IFT25: variants seen among roughly 807,000 people sequenced by gnomAD.
IFT25 encodes the protein intraflagellar transport 25.
the IFT25 span, among the ~76,000 whole-genome samples, chr1:53,912,534 T>G: frequency 6.6e-6 from 1 of 152,166 alleles, no homozygotes; most frequent in Non-Finnish European, 1.5e-5. Context: ...CTGAGCTGGG[T>G]GAATCCAACA....
the IFT25 span, among the ~76,000 whole-genome samples, chr1:53,940,385 GAAC>G: frequency 1.3e-5 from 2 of 152,030 alleles, no homozygotes; most frequent in East Asian, 3.9e-4. Context: ...CAACCGAGGA[GAAC>G]AACATGGAAT....
chr1:53,937,395 G>C, the IFT25 span, among the ~76,000 whole-genome samples: 22 of 152,108 alleles, frequency 1.4e-4, no homozygotes, highest in African/African-American at 5.3e-4. Context: ...CTGGGATTAA[G>C]ACATGAGCCA....
At chr1:53,938,934 C>T in the IFT25 span, among the ~76,000 whole-genome samples, 10 of 151,964 alleles carry the variant, frequency 6.6e-5, no homozygotes, top group Admixed American at 2.0e-4. Flanking sequence ...ATTAGCCAGG[C>T]GTGGTGGCGC....
chr1:53,917,460 T>G, the IFT25 span, among the ~76,000 whole-genome samples: 1 of 152,200 alleles, frequency 6.6e-6, no homozygotes, highest in Non-Finnish European at 1.5e-5. Context: ...TTACATAAGC[T>G]TAAAGCCAGT....
the IFT25 span, among the ~76,000 whole-genome samples, chr1:53,912,582 A>T: frequency 6.6e-6 from 1 of 152,214 alleles, no homozygotes; most frequent in South Asian, 2.1e-4. Context: ...GCTGGTCTTC[A>T]AAGATGCCCA....
the IFT25 span, among the ~76,000 whole-genome samples, chr1:53,919,750 T>C: frequency 6.6e-6 from 1 of 152,166 alleles, no homozygotes; most frequent in Non-Finnish European, 1.5e-5. Context: ...CCACTGATTG[T>C]TGCCTATATC....
At chr1:53,928,406 T>C in the IFT25 span, 1 of 1,613,442 alleles carries the variant, frequency 6.2e-7, no homozygotes, top group South Asian at 1.1e-5. Context: ...CAACTGGCTC[T>C]TTAGACGTGC....
chr1:53,923,129 T>C, the IFT25 span, among the ~76,000 whole-genome samples: 17 of 152,182 alleles, frequency 1.1e-4, 1 homozygote, highest in Admixed American at 1.1e-3. Context: ...TGGGTGAATT[T>C]TGGTGGGAGA....
the IFT25 span, among the ~76,000 whole-genome samples, chr1:53,925,470 C>T: frequency 2.0e-5 from 3 of 151,332 alleles, no homozygotes; most frequent in East Asian, 5.8e-4. Context: ...ACCATCCTGG[C>T]TAACACGGTG....
At chr1:53,927,237 CTTA>C in the IFT25 span, among the ~76,000 whole-genome samples, 1 of 152,358 alleles carries the variant, frequency 6.6e-6, no homozygotes, top group Admixed American at 6.5e-5. Context: ...ATGAGCCACA[CTTA>C]TTGATTACTG....
the IFT25 span, among the ~76,000 whole-genome samples, chr1:53,915,104 G>A: frequency 6.6e-6 from 1 of 152,130 alleles, no homozygotes; most frequent in Non-Finnish European, 1.5e-5. Context: ...AGATTCTACA[G>A]TATAAAGAGA....
At chr1:53,944,663 G>A in the IFT25 span, among the ~76,000 whole-genome samples, 1 of 152,110 alleles carries the variant, frequency 6.6e-6, no homozygotes, top group Non-Finnish European at 1.5e-5. Context: ...CAAAGTGCAG[G>A]TTTGGGAGGT....
chr1:53,941,917 A>C, the IFT25 span, among the ~76,000 whole-genome samples: 6 of 152,228 alleles, frequency 3.9e-5, no homozygotes. Context: ...TGGACCCGAC[A>C]GAGAAATATG....
At chr1:53,943,882 A>G in the IFT25 span, among the ~76,000 whole-genome samples, 18 of 152,242 alleles carry the variant, frequency 1.2e-4, no homozygotes, top group South Asian at 1.5e-3. Flanking sequence ...TTGGCCACCT[A>G]AAGTGCTGGG....
At chr1:53,945,830 C>CGCCCT in the IFT25 span, 1 of 149,734 alleles carries the variant, frequency 6.7e-6, no homozygotes, top group Non-Finnish European at 1.5e-5. Flanking sequence ...CCACAGGCCC[C>CGCCCT]GCCCTGCCCT....
the IFT25 span, chr1:53,916,723 A>G: frequency 4.2e-4 from 149 of 357,342 alleles, no homozygotes; most frequent in South Asian, 4.2e-3. Context: ...TTTTTGCTCT[A>G]CTCAGACTTT....
the IFT25 span, among the ~76,000 whole-genome samples, chr1:53,934,692 G>A: frequency 1.3e-5 from 2 of 152,180 alleles, no homozygotes; most frequent in African/African-American, 4.8e-5. Context: ...GATTAACCCT[G>A]AGAACATGTA....
chr1:53,923,853 T>C, the IFT25 span: 3 of 1,102,208 alleles, frequency 2.7e-6, no homozygotes, highest in Non-Finnish European at 4.2e-6. Flanking sequence ...GGTTAAAGTC[T>C]AAATACATTG....
the IFT25 span, among the ~76,000 whole-genome samples, chr1:53,921,179 A>AT: frequency 2.0e-5 from 3 of 151,984 alleles, no homozygotes; most frequent in Non-Finnish European, 2.9e-5. Context: ...GCAAAAAAAT[A>AT]TTTTTTTTAA....
Sources: allele counts gnomAD v4.1 joint callset (sites outside exome capture counted in the v4.1 genomes callset), GRCh38; gene constraint gnomAD v4.1.1; transcripts MANE v1.5; gene names NCBI Gene and HGNC (gene_info 2026-07-23, HGNC 2026-07-21).